NHSL1: variants seen among roughly 807,000 people sequenced by gnomAD.
NHSL1 encodes the protein NHS-like protein 1.
A neutral mutation model predicts 95.0 loss-of-function variants in NHSL1; 48 were observed. The observed-to-expected ratio is 0.51, with a 90% confidence interval of 0.40 to 0.64. The LOEUF is 0.64. Ranked by LOEUF, NHSL1 falls within the 30% of genes least tolerant of loss-of-function variation. The pLI is 0.00. For missense variants in NHSL1, 1,971 were observed against 2,077.7 expected (o/e 0.95, Z 1.00); for synonymous variants, 783 against 833.9 (o/e 0.94, Z 1.05).
chr6:138,501,897 C>A (rs58908379), upstream of NHSL1, among the ~76,000 whole-genome samples: 1 of 152,112 alleles, frequency 6.6e-6, no homozygotes, highest in African/African-American at 2.4e-5. Flanking sequence ...GTAAATGCTA[C>A]GTAAGTAGTT....
At chr6:138,522,432 A>G (rs1225900918) in intron 1 of NHSL1, among the ~76,000 whole-genome samples, 1 of 152,220 alleles carries the variant, frequency 6.6e-6, no homozygotes, top group African/African-American at 2.4e-5. Flanking sequence ...ACCTAAGGTC[A>G]GCAGTTCAAG....
At chr6:138,435,718 TTTTTTGTTTTTTTG>T (rs1776043807) in intron 5 of NHSL1, among the ~76,000 whole-genome samples, 2 of 151,870 alleles carry the variant, frequency 1.3e-5, no homozygotes, top group Admixed American at 6.6e-5. Context: ...TGGGGTTTTT[TTTTTTGTTTTTTTG>T]TTTTTGTTTT....
intron 1 of NHSL1, among the ~76,000 whole-genome samples, chr6:138,525,303 A>G (rs1156741592): frequency 1.3e-5 from 2 of 152,022 alleles, no homozygotes; most frequent in East Asian, 3.9e-4. Flanking sequence ...AAGTGTACAC[A>G]CTTCTTGAGC....
intron 1 of NHSL1, among the ~76,000 whole-genome samples, chr6:138,638,935 A>T (rs1443350184): frequency 6.6e-6 from 1 of 152,226 alleles, no homozygotes; most frequent in East Asian, 1.9e-4. Context: ...CCAGAGAGAA[A>T]CTGCCTTTGG....
intron 5 of NHSL1, among the ~76,000 whole-genome samples, chr6:138,437,375 CATATATATATACACATAT>C (rs1360301511): frequency 3.0e-4 from 11 of 36,174 alleles, no homozygotes; most frequent in African/African-American, 1.1e-3. Context: ...TATATATACA[CATATATATATACACATAT>C]ATATATATAT....
chr6:138,597,978 G>A (rs6904490), intron 1 of NHSL1, among the ~76,000 whole-genome samples: 1,762 of 152,026 alleles, frequency 0.012, 26 homozygotes, highest in African/African-American at 0.041. Flanking sequence ...CAGAGAAGGC[G>A]GTGCAGGTGA....
rs1020490981 is a variant in NHSL1, at chr6:138,458,425, G to C, written c.340-11232C>G. Among the ~76,000 whole-genome samples, 11 of 152,214 alleles carry C rather than the reference G, an allele frequency of 7.2e-5. No individual in the cohort carries two copies. In the East Asian group the frequency reaches 2.1e-3, roughly 29 times the overall value. ...AGTAGCCTCAGATCAAGACAAAACA[G>C]AACAGCCTATAATCCCAGCACTTTG... is the stretch of plus-strand genomic sequence containing the variant. On this transcript the variant is annotated intron_variant, in intron 3 of 7. Transcript: ENST00000343505.
intron 1 of NHSL1, among the ~76,000 whole-genome samples, chr6:138,551,192 A>C (rs1583398884): frequency 6.6e-6 from 1 of 152,336 alleles, no homozygotes; most frequent in South Asian, 2.1e-4. Flanking sequence ...AGAAAAATAT[A>C]GTATATATAG....
rs1461126553 is a variant in NHSL1, at chr6:138,692,077, C to T, written c.96+399G>A. 1.1e-5 allele frequency: 5 copies of T among 456,400 alleles called. No homozygotes were observed. The Admixed American group carries it at 1.2e-4, about 11-fold the overall frequency. 28.3% of individuals were successfully genotyped at this position (456,400 alleles called of 1,614,324 possible). A position where few individuals can be genotyped will look rare whatever the true frequency, so the allele number is the denominator to read the frequency against. The stretch of plus-strand genomic sequence containing the variant: ...TCCAAAACTGTAACTACTATATGCC[C>T]AAATTTATATTCTCCCCTGGCTTTT... On this transcript the variant is annotated intron_variant, in intron 1 of 3. Transcript: ENST00000491526. The surrounding 1 kb of genome is among the most constrained non-coding windows in gnomAD (Gnocchi z 4.0).
chr6:138,644,303 C>T (rs112942212), intron 1 of NHSL1, among the ~76,000 whole-genome samples: 27,093 of 152,052 alleles, frequency 0.18, 2,535 homozygotes, highest in South Asian at 0.25. Flanking sequence ...GAGTTCGAGA[C>T]CAGTCTGACC....
At chr6:138,455,517 T>G (rs932145422) in intron 3 of NHSL1, among the ~76,000 whole-genome samples, 2 of 90,414 alleles carry the variant, frequency 2.2e-5, no homozygotes, top group African/African-American at 1.0e-4. Flanking sequence ...ACATGCTCCC[T>G]GCAAGGAGCC....
chr6:138,542,660 T>C (rs898357602), intron 1 of NHSL1, among the ~76,000 whole-genome samples: 2 of 152,248 alleles, frequency 1.3e-5, no homozygotes, highest in African/African-American at 4.8e-5. Flanking sequence ...TTAAAGCTGA[T>C]GTACCATAAT....
intron 1 of NHSL1, among the ~76,000 whole-genome samples, chr6:138,601,472 T>C (rs1784368866): frequency 6.6e-6 from 1 of 152,198 alleles, no homozygotes; most frequent in African/African-American, 2.4e-5. Flanking sequence ...AGTACTATTT[T>C]AAAAAATTTA....
intron 7 of NHSL1, among the ~76,000 whole-genome samples, chr6:138,428,180 G>A (rs949317487): frequency 1.3e-5 from 2 of 152,090 alleles, no homozygotes; most frequent in Admixed American, 6.6e-5. Context: ...ACCAGGCTAC[G>A]CAAATCTTCT....
chr6:138,591,847 T>C (rs77286219), intron 1 of NHSL1, among the ~76,000 whole-genome samples: 1,784 of 152,310 alleles, frequency 0.012, 26 homozygotes, highest in African/African-American at 0.041. Flanking sequence ...AGCGGATCCA[T>C]GCTGTGGACA....
intron 1 of NHSL1, among the ~76,000 whole-genome samples, chr6:138,660,889 C>T (rs1301807292): frequency 6.6e-6 from 1 of 151,764 alleles, no homozygotes; most frequent in Non-Finnish European, 1.5e-5. Flanking sequence ...GTCAGGAGTT[C>T]GAGATCAGCC....
At chr6:138,618,241 C>T (rs916697156) in intron 1 of NHSL1, among the ~76,000 whole-genome samples, 1 of 152,184 alleles carries the variant, frequency 6.6e-6, no homozygotes, top group Non-Finnish European at 1.5e-5. Context: ...TTGCTAATAG[C>T]TACACGCCCA....
chr6:138,461,450 T>C (rs186300029), intron 3 of NHSL1, among the ~76,000 whole-genome samples: 1 of 152,206 alleles, frequency 6.6e-6, no homozygotes, highest in East Asian at 1.9e-4. Flanking sequence ...AGGCAATGGC[T>C]AGAGAGGGAA....
intron 1 of NHSL1, among the ~76,000 whole-genome samples, chr6:138,566,923 T>C (rs1376263273): frequency 2.0e-5 from 3 of 152,178 alleles, no homozygotes; most frequent in Non-Finnish European, 4.4e-5. Flanking sequence ...ATCTCTTTTG[T>C]TAAGACACGA....
Sources: gnomAD v4.1 joint callset for allele counts (sites outside exome capture counted in the v4.1 genomes callset) on GRCh38, gnomAD v4.1.1 for gene constraint, Gnocchi (gnomAD v3.1) non-coding constraint, MANE v1.5 for transcripts, NCBI Gene and HGNC (gene_info 2026-07-23, HGNC 2026-07-21) for gene names.